The following NAV3 variants were observed in gnomAD, a reference collection of about 807,000 sequenced individuals.
NAV3 encodes the protein pore membrane and/or filament interacting like protein 1.
Under a neutral mutation model 244.7 loss-of-function variants are expected in NAV3, and 87 were observed. That is an observed-to-expected ratio of 0.36 (90% CI 0.30 to 0.42). The LOEUF (loss-of-function observed/expected upper bound fraction) is 0.42, where lower values mean the gene tolerates loss of function less well. Among genes scored for constraint, NAV3 ranks in the 20% least tolerant of loss-of-function variants. The pLI is 1.00. For missense variants in NAV3, 2,663 were observed against 2,893.3 expected, an observed-to-expected ratio of 0.92 and a Z score of 1.83; for synonymous variants, 1,126 against 1,042.2, an observed-to-expected ratio of 1.08 and a Z score of -1.55.
chr12:77,756,044 G>A (rs972524184), intron 2 of NAV3, among the ~76,000 whole-genome samples: 5 of 151,984 alleles, frequency 3.3e-5, no homozygotes, highest in Non-Finnish European at 5.9e-5. Flanking sequence ...CACTTATTTG[G>A]CACAAATTAC....
At chr12:77,890,700 C>T (rs1592910938) in intron 1 of NAV3, among the ~76,000 whole-genome samples, 1 of 152,042 alleles carries the variant, frequency 6.6e-6, no homozygotes, top group Non-Finnish European at 1.5e-5. Context: ...CCAGAAATTA[C>T]AATATAACAA....
At chr12:77,593,264 GTGTGTGTA>G in intron 2 of NAV3, among the ~76,000 whole-genome samples, 1 of 53,940 alleles carries the variant, frequency 1.9e-5, no homozygotes, top group South Asian at 1.2e-3. Context: ...ATATGTATGA[GTGTGTGTA>G]TGTGTGTCTG....
chr12:78,165,719 A>G (rs1331891135), intron 23 of NAV3, among the ~76,000 whole-genome samples: 1 of 151,838 alleles, frequency 6.6e-6, no homozygotes, highest in Non-Finnish European at 1.5e-5. Flanking sequence ...TGAAGAAGAA[A>G]AATGAAAACT....
intron 1 of NAV3, among the ~76,000 whole-genome samples, chr12:77,928,830 A>T (rs1888492527): frequency 1.3e-5 from 2 of 152,250 alleles, no homozygotes; most frequent in Admixed American, 1.3e-4. Flanking sequence ...TTAAACAGAT[A>T]AATGCAGTTG....
chr12:78,155,945 A>G (rs963282920), intron 22 of NAV3, among the ~76,000 whole-genome samples: 7 of 152,138 alleles, frequency 4.6e-5, no homozygotes, highest in African/African-American at 1.7e-4. Flanking sequence ...CCCATTCTGC[A>G]GATTGTCTGT....
intron 2 of NAV3, among the ~76,000 whole-genome samples, chr12:77,799,008 A>T (rs1368486138): frequency 6.6e-6 from 1 of 152,168 alleles, no homozygotes; most frequent in African/African-American, 2.4e-5. Context: ...CTGCATTTGC[A>T]GTCAGCCGCT....
At chr12:77,740,831 G>A (rs1868314376) in intron 2 of NAV3, among the ~76,000 whole-genome samples, 1 of 152,064 alleles carries the variant, frequency 6.6e-6, no homozygotes, top group African/African-American at 2.4e-5. Context: ...TTCTACTTGG[G>A]TGATGAATTA....
intron 2 of NAV3, among the ~76,000 whole-genome samples, chr12:77,803,299 C>G (rs149205367): frequency 0.013 from 2,017 of 152,134 alleles, 46 homozygotes; most frequent in African/African-American, 0.046. Context: ...CCCAACAGGC[C>G]CTGGTGTATG....
At position 78,095,065 on chromosome 12, in the gene NAV3, A is replaced by G. The variant is rs12426620; in HGVS notation, c.2637-21707A>G. On this transcript the variant is annotated intron_variant, in intron 12 of 39. Coordinates refer to ENST00000397909, the MANE Select transcript of NAV3 (RefSeq NM_001024383.2). ...TCAAATTATATATATATATATATAT[A>G]CACACACACACACACACACACACAT... 3.8e-4 allele frequency among the ~76,000 whole-genome samples: 17 copies of G among 45,006 alleles called. 1 individual carries two copies. The highest frequency in any genetic ancestry group is 9.7e-4 in the Non-Finnish European group (12 of 12,402). The allele number at this position is 45,006 out of a possible 152,430, so 29.5% of individuals were successfully genotyped here.
intron 2 of NAV3, among the ~76,000 whole-genome samples, chr12:77,720,916 T>C (rs1876596834): frequency 1.3e-5 from 2 of 152,182 alleles, no homozygotes; most frequent in African/African-American, 4.8e-5. Flanking sequence ...ATTCTTAAAA[T>C]GTTAATTAAC....
chr12:77,981,643 C>T (rs1869579694), intron 5 of NAV3, among the ~76,000 whole-genome samples: 1 of 151,634 alleles, frequency 6.6e-6, no homozygotes, highest in Non-Finnish European at 1.5e-5. Flanking sequence ...AAGCCATTTT[C>T]AGTGAATTTG....
At chr12:77,962,525 T>C (rs1430992574) in intron 3 of NAV3, among the ~76,000 whole-genome samples, 2 of 152,168 alleles carry the variant, frequency 1.3e-5, no homozygotes, top group Non-Finnish European at 2.9e-5. Flanking sequence ...TTCCCATCAA[T>C]TTCTCTCAGA....
chr12:77,703,201 T>C (rs1385631520), intron 2 of NAV3, among the ~76,000 whole-genome samples: 1 of 152,070 alleles, frequency 6.6e-6, no homozygotes, highest in Non-Finnish European at 1.5e-5. Flanking sequence ...TTTCCCTTTC[T>C]ACTCCTGGCA....
intron 2 of NAV3, among the ~76,000 whole-genome samples, chr12:77,656,756 A>G (rs1328334438): frequency 2.7e-5 from 4 of 150,840 alleles, no homozygotes; most frequent in African/African-American, 9.8e-5. Context: ...ATAACAAACT[A>G]TCTCTCAGAC....
intron 3 of NAV3, among the ~76,000 whole-genome samples, chr12:77,959,532 G>A (rs528284410): frequency 6.6e-6 from 1 of 151,994 alleles, no homozygotes; most frequent in South Asian, 2.1e-4. Flanking sequence ...TCCCTACTAT[G>A]TACATTGTAT....
At chr12:77,867,701 T>G (rs368895981) in intron 1 of NAV3, among the ~76,000 whole-genome samples, 14 of 152,300 alleles carry the variant, frequency 9.2e-5, no homozygotes, top group African/African-American at 3.4e-4. Context: ...ATTACAGGCG[T>G]GAACCACCGC....
chr12:78,156,467 A>G (rs1565734478), intron 22 of NAV3, among the ~76,000 whole-genome samples: 1 of 152,132 alleles, frequency 6.6e-6, no homozygotes, highest in Non-Finnish European at 1.5e-5. Flanking sequence ...AAATGTGAGT[A>G]ATATAGTTTA....
chr12:77,730,209 A>T (rs1380727318), intron 2 of NAV3, among the ~76,000 whole-genome samples: 1 of 151,996 alleles, frequency 6.6e-6, no homozygotes, highest in Non-Finnish European at 1.5e-5. Context: ...AAAATCAGGA[A>T]TAATAACTCA....
Position 77,652,122 on chromosome 12 carries a change from T to G in NAV3, c.72+79856T>G, listed in dbSNP as rs567978664. Among the ~76,000 whole-genome samples the G allele has an allele frequency of 9.8e-5, 15 of 152,320 alleles. 1 individual carries two copies. In the South Asian group the frequency reaches 3.1e-3, roughly 32 times the overall value. ...AATTGTAATACTACTACCACCTATT[T>G]CATAGGTTGCTAACAGCAGTGAAAC... On this transcript the variant is annotated intron_variant, in intron 2 of 8. Coordinates refer to the NAV3 transcript ENST00000550042.
Sources: allele counts gnomAD v4.1 joint callset (sites outside exome capture counted in the v4.1 genomes callset), GRCh38; gene constraint gnomAD v4.1.1; transcripts MANE v1.5; gene names NCBI Gene and HGNC (gene_info 2026-07-23, HGNC 2026-07-21).